The following DRG1 variants were observed in gnomAD, a reference collection of about 807,000 sequenced individuals.
DRG1 encodes the protein developmentally-regulated GTP-binding protein 1.
Under a neutral mutation model 38.8 loss-of-function variants are expected in DRG1, and 19 were observed. The ratio of observed to expected loss-of-function variants is 0.49; its 90% CI spans 0.34 to 0.72. The LOEUF is 0.72. DRG1 is among the 30% of genes least tolerant of loss of function. DRG1 has a pLI of 0.01. For synonymous variants in DRG1, 167 were observed against 157.5 expected (o/e 1.06, Z -0.45); for missense variants, 299 against 444.8 (o/e 0.67, Z 2.95).
intron 6 of DRG1, among the ~76,000 whole-genome samples, chr22:31,425,218 C>G (rs1287023646): frequency 6.6e-6 from 1 of 152,030 alleles, no homozygotes. Flanking sequence ...ACAGCCTCTT[C>G]CTATGAAATT....
chr22:31,412,146 T>G (rs1030399629), intron 4 of DRG1, among the ~76,000 whole-genome samples: 1 of 150,876 alleles, frequency 6.6e-6, no homozygotes, highest in Non-Finnish European at 1.5e-5. Flanking sequence ...AAAAAAAAAT[T>G]AACCGGGAGT....
intron 6 of DRG1, among the ~76,000 whole-genome samples, chr22:31,425,354 T>A (rs2050103997): frequency 6.6e-6 from 1 of 152,070 alleles, no homozygotes; most frequent in Non-Finnish European, 1.5e-5. Flanking sequence ...ATAGGCTGTG[T>A]CCTACAGAAG....
At chr22:31,420,171 G>A in intron 4 of DRG1, 85 bp from the exon 5 acceptor site, 1 of 1,466,416 alleles carries the variant, frequency 6.8e-7, no homozygotes, top group Non-Finnish European at 9.2e-7. Flanking sequence ...TTAAATGTAG[G>A]GGGAAAAAAC....
chr22:31,411,378 A>G (rs942439213), intron 4 of DRG1, among the ~76,000 whole-genome samples: 1 of 151,858 alleles, frequency 6.6e-6, no homozygotes, highest in African/African-American at 2.4e-5. Flanking sequence ...TAGACATTTT[A>G]TATGGCTGTC....
At chr22:31,428,276 A>G (rs1321942484) in intron 8 of DRG1, among the ~76,000 whole-genome samples, 12 of 152,044 alleles carry the variant, frequency 7.9e-5, no homozygotes, top group East Asian at 1.9e-4. Flanking sequence ...CAGTGGCGCA[A>G]TCTTGGCTCA....
At chr22:31,427,035 A>G (rs2050114876) in intron 7 of DRG1, 25 bp from the exon 8 acceptor site, 1 of 1,613,048 alleles carries the variant, frequency 6.2e-7, no homozygotes, top group African/African-American at 1.3e-5. Flanking sequence ...AGAAGGCAGT[A>G]ATCTTTATGC....
At chr22:31,402,999 T>A (rs757179271) in intron 2 of DRG1, 30 bp from the exon 3 acceptor site, 4 of 1,595,108 alleles carry the variant, frequency 2.5e-6, no homozygotes, top group Non-Finnish European at 3.4e-6. Flanking sequence ...GGGATAACTC[T>A]CCTCTTTTTG....
At chr22:31,416,343 C>T (rs969331522) in intron 4 of DRG1, among the ~76,000 whole-genome samples, 11 of 152,232 alleles carry the variant, frequency 7.2e-5, no homozygotes, top group Non-Finnish European at 1.3e-4. Flanking sequence ...GATGTTTTCC[C>T]ATATTATTTG....
Position 31,428,940 on chromosome 22 carries a change from T to C in DRG1, c.1004+1758T>C, listed in dbSNP as rs186298758. ...TTACATGAGATTCATGATGTTGATA[T>C]ACCTCACCGATGATAATATTCACAT... On this transcript the variant is annotated intron_variant, in intron 8 of 8. Coordinates refer to ENST00000331457, the MANE Select transcript of DRG1 (RefSeq NM_004147.4). Among the ~76,000 whole-genome samples, 9 of 152,324 alleles carry C rather than the reference T, an allele frequency of 5.9e-5. No individual in the cohort carries two copies. In the East Asian group the frequency reaches 1.3e-3, roughly 23 times the overall value.
chr22:31,403,013 T>C lies in DRG1; in HGVS notation c.167-16T>C, dbSNP rs970123858. The C allele has an allele frequency of 1.2e-6, 2 of 1,602,898 alleles. No individual in the cohort carries two copies. Among genetic ancestry groups the C allele is most frequent in the Admixed American group, 1.7e-5 (1 of 58,694 alleles). ...GGGGATAACTCTCCTCTTTTTGGTA[T>C]TCATTGATGTTTTAGGTTTTGATGT... On this transcript the variant is annotated splice_polypyrimidine_tract_variant and intron_variant, in intron 2 of 8. Coordinates refer to ENST00000331457, the MANE Select transcript of DRG1 (RefSeq NM_004147.4).
chr22:31,423,765 GA>G (rs1260411966), intron 6 of DRG1, among the ~76,000 whole-genome samples: 1 of 151,614 alleles, frequency 6.6e-6, no homozygotes, highest in Non-Finnish European at 1.5e-5. Context: ...GACCTCAAGT[GA>G]TCCGTCTGCC....
intron 4 of DRG1, among the ~76,000 whole-genome samples, chr22:31,419,032 C>G (rs973170312): frequency 6.6e-6 from 1 of 152,206 alleles, no homozygotes; most frequent in Middle Eastern, 3.4e-3. Flanking sequence ...CCAGGCTGGT[C>G]TCAAGCTCCT....
intron 3 of DRG1, among the ~76,000 whole-genome samples, chr22:31,404,387 C>T (rs367854808): frequency 3.3e-5 from 5 of 151,418 alleles, no homozygotes; most frequent in Admixed American, 6.6e-5. Flanking sequence ...ACTACAGGCA[C>T]GCACCCCCAT....
intron 8 of DRG1, among the ~76,000 whole-genome samples, chr22:31,431,752 C>T (rs140010726): frequency 2.0e-5 from 3 of 152,178 alleles, no homozygotes; most frequent in Non-Finnish European, 4.4e-5. Flanking sequence ...CCTTCAGATC[C>T]TTACATATAA....
chr22:31,428,763 T>C (rs990042747), intron 8 of DRG1, among the ~76,000 whole-genome samples: 1 of 152,216 alleles, frequency 6.6e-6, no homozygotes, highest in Non-Finnish European at 1.5e-5. Flanking sequence ...CTGTCATTGA[T>C]GATCTTGACA....
chr22:31,402,292 AG>A (rs2049966385), intron 2 of DRG1, among the ~76,000 whole-genome samples: 1 of 152,072 alleles, frequency 6.6e-6, no homozygotes, highest in Non-Finnish European at 1.5e-5. Context: ...CATTGTAAAA[AG>A]AAAAAAGAAA....
At chr22:31,431,142 C>T (rs2050137298) in intron 8 of DRG1, among the ~76,000 whole-genome samples, 1 of 147,852 alleles carries the variant, frequency 6.8e-6, no homozygotes, top group Non-Finnish European at 1.5e-5. Flanking sequence ...TCATGCCATT[C>T]TCCTGCCTCA....
At chr22:31,431,389 A>G (rs1017054309) in intron 8 of DRG1, among the ~76,000 whole-genome samples, 2 of 152,148 alleles carry the variant, frequency 1.3e-5, no homozygotes, top group African/African-American at 4.8e-5. Context: ...AAATAGGGCT[A>G]GGTGTGGTAG....
Position 31,403,213 on chromosome 22 carries a change from A to G in DRG1, c.342+9A>G. The G allele has an allele frequency of 1.3e-6, 2 of 1,597,752 alleles. No individual in the cohort carries two copies. Among genetic ancestry groups the G allele is most frequent in the South Asian group, 2.3e-5 (2 of 88,740 alleles). On this transcript the variant is annotated intron_variant, in intron 3 of 8. Coordinates refer to ENST00000331457, the MANE Select transcript of DRG1 (RefSeq NM_004147.4). ...AAGGTGCCAAGATCCAGGTGAGTCA[A>G]GCCTGCAGACTAAGGAAGGAAAGAA...
Sources: gnomAD v4.1 joint callset for allele counts (sites outside exome capture counted in the v4.1 genomes callset) on GRCh38, gnomAD v4.1.1 for gene constraint, MANE v1.5 for transcripts, NCBI Gene and HGNC (gene_info 2026-07-23, HGNC 2026-07-21) for gene names.